The following NRXN3 variants were observed in gnomAD, a reference collection of about 807,000 sequenced individuals.
NRXN3 encodes neurexin III.
NRXN3 carries 32 observed loss-of-function variants against 137.6 expected under a neutral mutation model. That is an observed-to-expected ratio of 0.23 (90% CI 0.18 to 0.31). The LOEUF is 0.31. NRXN3 is among the 10% of genes least tolerant of loss of function. The pLI, the probability that NRXN3 is intolerant of heterozygous loss-of-function variation, is 1.00. For synonymous variants in NRXN3, 798 were observed against 784.5 expected (o/e 1.02, Z -0.29); for missense variants, 1,574 against 2,062.5 (o/e 0.76, Z 4.59).
chr14:78,459,644 A>G (rs925214784), intron 4 of NRXN3, among the ~76,000 whole-genome samples: 9 of 152,176 alleles, frequency 5.9e-5, no homozygotes, highest in South Asian at 2.1e-4. Flanking sequence ...TTATTGGGTG[A>G]TGGAGTGGGA....
intron 10 of NRXN3, among the ~76,000 whole-genome samples, chr14:78,835,183 G>A (rs2098993020): frequency 1.3e-5 from 2 of 152,172 alleles, no homozygotes; most frequent in African/African-American, 2.4e-5. Flanking sequence ...AGGGAAGCAG[G>A]AGTAGAGAAT....
chr14:79,689,263 G>C (rs940788652), intron 17 of NRXN3, among the ~76,000 whole-genome samples: 2 of 152,030 alleles, frequency 1.3e-5, no homozygotes, highest in African/African-American at 2.4e-5. Flanking sequence ...AGGTGAATTT[G>C]GTGAGGTTTG....
chr14:79,663,130 C>A (rs540383310), intron 16 of NRXN3, among the ~76,000 whole-genome samples: 12 of 152,090 alleles, frequency 7.9e-5, no homozygotes, highest in African/African-American at 2.4e-4. Context: ...AGTTGGGAAG[C>A]ATGGCAGCCA....
chr14:78,385,771 A>T (rs1362468715), intron 4 of NRXN3, among the ~76,000 whole-genome samples: 1 of 152,130 alleles, frequency 6.6e-6, no homozygotes, highest in African/African-American at 2.4e-5. Flanking sequence ...GGACCTTCTC[A>T]CAAGGTTTAG....
chr14:78,600,237 G>A (rs1359282037), intron 4 of NRXN3, among the ~76,000 whole-genome samples: 2 of 152,168 alleles, frequency 1.3e-5, no homozygotes, highest in Non-Finnish European at 2.9e-5. Flanking sequence ...TTGTTATACA[G>A]CACCACAAAT....
At chr14:78,482,437 C>T (rs554559249) in intron 4 of NRXN3, among the ~76,000 whole-genome samples, 32 of 152,186 alleles carry the variant, frequency 2.1e-4, no homozygotes, top group African/African-American at 7.5e-4. Flanking sequence ...TGTTTGAGTC[C>T]TCAAGGGGAG....
chr14:78,575,896 G>A (rs949541856), intron 4 of NRXN3, among the ~76,000 whole-genome samples: 2 of 152,158 alleles, frequency 1.3e-5, no homozygotes, highest in Non-Finnish European at 2.9e-5. Context: ...ATCTGACTTT[G>A]TACCCCAATT....
chr14:79,577,833 T>C (rs2097679655), intron 16 of NRXN3, among the ~76,000 whole-genome samples: 1 of 152,194 alleles, frequency 6.6e-6, no homozygotes, highest in Non-Finnish European at 1.5e-5. Context: ...AGGATCAGGA[T>C]AGTGCTTCTC....
intron 7 of NRXN3, among the ~76,000 whole-genome samples, chr14:78,712,126 C>G (rs1402949319): frequency 2.0e-5 from 3 of 152,162 alleles, no homozygotes; most frequent in Non-Finnish European, 4.4e-5. Flanking sequence ...ATTTAAGGCT[C>G]TAAAATTTAA....
At chr14:79,022,594 T>C (rs1478367286) in intron 15 of NRXN3, among the ~76,000 whole-genome samples, 1 of 152,166 alleles carries the variant, frequency 6.6e-6, no homozygotes, top group Non-Finnish European at 1.5e-5. Context: ...ACATAGATGT[T>C]TGCTTCCATA....
chr14:78,598,086 G>C (rs564849679), intron 4 of NRXN3, among the ~76,000 whole-genome samples: 64 of 152,334 alleles, frequency 4.2e-4, no homozygotes, highest in African/African-American at 1.3e-3. Flanking sequence ...CAGAGTAGTA[G>C]ATTCTGCATT....
chr14:79,193,556 G>A (rs1353021771), intron 15 of NRXN3, among the ~76,000 whole-genome samples: 5 of 152,106 alleles, frequency 3.3e-5, no homozygotes, highest in East Asian at 1.9e-4. Context: ...AACCTTAACC[G>A]ATGTTTATTA....
intron 15 of NRXN3, among the ~76,000 whole-genome samples, chr14:79,383,499 A>AT (rs1344831193): frequency 6.6e-6 from 1 of 152,018 alleles, no homozygotes; most frequent in Admixed American, 6.6e-5. Context: ...ATTGGCAACT[A>AT]TTTTTTCATA....
chr14:79,569,628 TGTGAGAGAGAGA>T (rs2097579931), intron 16 of NRXN3, among the ~76,000 whole-genome samples: 1 of 146,992 alleles, frequency 6.8e-6, no homozygotes, highest in African/African-American at 2.5e-5. Context: ...TGTGTGTGTG[TGTGAGAGAGAGA>T]GAGAGAGAGA....
intron 4 of NRXN3, among the ~76,000 whole-genome samples, chr14:78,611,741 C>A (rs1485530704): frequency 3.3e-5 from 5 of 152,188 alleles, no homozygotes; most frequent in Non-Finnish European, 7.3e-5. Context: ...ACTTCAGAGT[C>A]ACCAATTTCT....
At chr14:79,271,419 T>C (rs1477412766) in intron 15 of NRXN3, among the ~76,000 whole-genome samples, 2 of 124,916 alleles carry the variant, frequency 1.6e-5, no homozygotes, top group Non-Finnish European at 3.2e-5. Flanking sequence ...TTTCTTTCCC[T>C]TCCCCTTTCT....
At chr14:79,268,347 G>A (rs946582250) in intron 15 of NRXN3, among the ~76,000 whole-genome samples, 4 of 152,160 alleles carry the variant, frequency 2.6e-5, no homozygotes, top group Middle Eastern at 3.4e-3. Context: ...TAATATTTCC[G>A]TATCTGTTTT....
At chr14:78,623,542 A>G (rs533346749) in intron 4 of NRXN3, among the ~76,000 whole-genome samples, 1 of 152,182 alleles carries the variant, frequency 6.6e-6, no homozygotes, top group Non-Finnish European at 1.5e-5. Flanking sequence ...TAGCCATTCT[A>G]TAGCAGATGC....
intron 15 of NRXN3, among the ~76,000 whole-genome samples, chr14:79,104,840 T>G (rs2052076532): frequency 6.6e-6 from 1 of 150,684 alleles, no homozygotes; most frequent in African/African-American, 2.4e-5. Context: ...TTTTTTTTCC[T>G]TTGGGTAAGC....
Sources: allele counts gnomAD v4.1 joint callset (sites outside exome capture counted in the v4.1 genomes callset), GRCh38; gene constraint gnomAD v4.1.1; transcripts MANE v1.5; gene names NCBI Gene and HGNC (gene_info 2026-07-23, HGNC 2026-07-21).